Variants in ARHGAP44 observed in about 807,000 individuals in gnomAD.
ARHGAP44 encodes the protein rho GTPase-activating protein 44.
Under a neutral mutation model 106.8 loss-of-function variants are expected in ARHGAP44, and 43 were observed. The observed-to-expected ratio is 0.40, with a 90% confidence interval of 0.32 to 0.52. The LOEUF is 0.52. Ranked by LOEUF, ARHGAP44 falls within the 20% of genes least tolerant of loss-of-function variation. The pLI, the probability that ARHGAP44 is intolerant of heterozygous loss-of-function variation, is 0.48. For synonymous variants in ARHGAP44, 439 were observed against 410.3 expected (o/e 1.07, Z -0.85); for missense variants, 866 against 1,050.5 (o/e 0.82, Z 2.43).
intron 1 of ARHGAP44, among the ~76,000 whole-genome samples, chr17:12,819,708 A>G (rs1239508030): frequency 6.6e-6 from 1 of 151,798 alleles, no homozygotes; most frequent in African/African-American, 2.4e-5. Flanking sequence ...TTGGACATTC[A>G]GGTGTCTCCT....
intron 1 of ARHGAP44, among the ~76,000 whole-genome samples, chr17:12,833,711 C>T (rs980370370): frequency 6.6e-6 from 1 of 152,090 alleles, no homozygotes; most frequent in Non-Finnish European, 1.5e-5. Flanking sequence ...TTTAGGGAGA[C>T]ATAAGGCATC....
At chr17:12,971,970 T>G (rs1278173379) in intron 16 of ARHGAP44, among the ~76,000 whole-genome samples, 4 of 152,152 alleles carry the variant, frequency 2.6e-5, no homozygotes, top group African/African-American at 9.6e-5. Flanking sequence ...CAACCAAATC[T>G]CCATACTTGA....
chr17:12,795,933 A>G (rs1455310888), intron 1 of ARHGAP44, among the ~76,000 whole-genome samples: 1 of 152,084 alleles, frequency 6.6e-6, no homozygotes, highest in Admixed American at 6.5e-5. Context: ...TTTAGAGCTT[A>G]TTTTTAGAAT....
At chr17:12,924,651 T>C (rs946732177) in intron 6 of ARHGAP44, among the ~76,000 whole-genome samples, 1 of 152,172 alleles carries the variant, frequency 6.6e-6, no homozygotes, top group Non-Finnish European at 1.5e-5. Context: ...GAGAACCTTA[T>C]TAAGGTTAAA....
At chr17:12,955,082 G>A (rs573756366) in intron 13 of ARHGAP44, among the ~76,000 whole-genome samples, 1 of 152,224 alleles carries the variant, frequency 6.6e-6, no homozygotes, top group South Asian at 2.1e-4. Flanking sequence ...GCCTATTCTA[G>A]GCATTTCATA....
intron 2 of ARHGAP44, among the ~76,000 whole-genome samples, chr17:12,895,867 G>C (rs1390350762): frequency 6.6e-6 from 1 of 152,094 alleles, no homozygotes; most frequent in Non-Finnish European, 1.5e-5. Context: ...GTCCATCAAT[G>C]ATAGACTGGA....
intron 16 of ARHGAP44, among the ~76,000 whole-genome samples, chr17:12,962,960 G>A (rs1016741280): frequency 4.1e-5 from 6 of 147,078 alleles, no homozygotes; most frequent in Non-Finnish European, 5.9e-5. Context: ...CAGGAGAATC[G>A]CTTGAACCCA....
At chr17:12,829,674 G>A (rs1322033593) in intron 1 of ARHGAP44, among the ~76,000 whole-genome samples, 2 of 151,964 alleles carry the variant, frequency 1.3e-5, no homozygotes, top group Admixed American at 6.6e-5. Flanking sequence ...TCCACCTTAA[G>A]GCTTTTTCAC....
At chr17:12,791,083 G>C (rs965287751) in intron 1 of ARHGAP44, among the ~76,000 whole-genome samples, 1 of 152,192 alleles carries the variant, frequency 6.6e-6, no homozygotes, top group African/African-American at 2.4e-5. Context: ...CTGAACTCCC[G>C]TCTGAGCATA....
At chr17:12,899,566 G>A (rs1009553508) in intron 3 of ARHGAP44, among the ~76,000 whole-genome samples, 2 of 145,178 alleles carry the variant, frequency 1.4e-5, no homozygotes, top group African/African-American at 5.0e-5. Flanking sequence ...GGAGCAATGG[G>A]TGAAAAGGAA....
intron 1 of ARHGAP44, among the ~76,000 whole-genome samples, chr17:12,804,807 C>A (rs1422999859): frequency 6.6e-6 from 1 of 152,218 alleles, no homozygotes; most frequent in African/African-American, 2.4e-5. Context: ...CTGCACACAT[C>A]TGTCTCTGGT....
chr17:12,936,539 TAGC>T (rs2038554980), intron 7 of ARHGAP44, among the ~76,000 whole-genome samples: 1 of 152,252 alleles, frequency 6.6e-6, no homozygotes, highest in Non-Finnish European at 1.5e-5. Flanking sequence ...CATTTCTTTT[TAGC>T]CCTGAATAAT....
intron 16 of ARHGAP44, among the ~76,000 whole-genome samples, chr17:12,969,520 C>A (rs552582090): frequency 5.3e-5 from 8 of 152,318 alleles, no homozygotes; most frequent in Non-Finnish European, 7.3e-5. Flanking sequence ...TAGAGTTAGT[C>A]ATTGGAAAAT....
At chr17:12,980,359 T>C in intron 19 of ARHGAP44, 126 bp downstream of exon 19, 1 of 1,039,870 alleles carries the variant, frequency 9.6e-7, no homozygotes, top group Non-Finnish European at 1.4e-6. Context: ...AATTCCCATC[T>C]GGACATTAGA....
intron 1 of ARHGAP44, among the ~76,000 whole-genome samples, chr17:12,817,611 A>G (rs2034634935): frequency 6.6e-6 from 1 of 152,044 alleles, no homozygotes; most frequent in Admixed American, 6.5e-5. Context: ...AAGATCGATA[A>G]AGTTGATCTG....
intron 4 of ARHGAP44, among the ~76,000 whole-genome samples, chr17:12,913,942 C>T (rs567523247): frequency 1.6e-5 from 2 of 122,792 alleles, no homozygotes; most frequent in South Asian, 5.6e-4. Context: ...GCACTCCAGC[C>T]TGGGTGATAG....
intron 16 of ARHGAP44, among the ~76,000 whole-genome samples, chr17:12,969,478 C>T (rs59649534): frequency 3.9e-5 from 6 of 152,058 alleles, no homozygotes; most frequent in Non-Finnish European, 8.8e-5. Context: ...AAGGATGATT[C>T]GAGGATAATC....
intron 1 of ARHGAP44, among the ~76,000 whole-genome samples, chr17:12,888,308 C>T (rs1314722331): frequency 6.6e-6 from 1 of 152,068 alleles, no homozygotes; most frequent in Admixed American, 6.6e-5. Flanking sequence ...GTTTTTATTT[C>T]ATTCAGTTTA....
chr17:12,813,252 G>T (rs1161362301), intron 1 of ARHGAP44, among the ~76,000 whole-genome samples: 1 of 151,912 alleles, frequency 6.6e-6, no homozygotes, highest in Non-Finnish European at 1.5e-5. Context: ...AGTCAACCAC[G>T]ATTCAAGAAT....
Sources: allele counts gnomAD v4.1 joint callset (sites outside exome capture counted in the v4.1 genomes callset), GRCh38; gene constraint gnomAD v4.1.1; transcripts MANE v1.5; gene names NCBI Gene and HGNC (gene_info 2026-07-23, HGNC 2026-07-21).